DNER: variants seen among roughly 807,000 people sequenced by gnomAD.
The protein encoded by DNER is delta and Notch-like epidermal growth factor-related receptor.
DNER carries 33 observed loss-of-function variants against 78.2 expected under a neutral mutation model. The observed-to-expected ratio is 0.42, with a 90% CI of 0.32 to 0.56. The LOEUF is 0.56. DNER is among the 20% of genes least tolerant of loss of function. The pLI, the probability that DNER is intolerant of heterozygous loss-of-function variation, is 0.11. For synonymous variants in DNER, 417 were observed against 384.8 expected, an observed-to-expected ratio of 1.08 and a Z score of -0.98; for missense variants, 918 against 975.3, an observed-to-expected ratio of 0.94 and a Z score of 0.78.
chr2:229,709,084 T>C (rs1337977020), intron 1 of DNER, among the ~76,000 whole-genome samples: 1 of 152,234 alleles, frequency 6.6e-6, no homozygotes, highest in Non-Finnish European at 1.5e-5. Context: ...AAGCTGTGTC[T>C]GTTCATTGAA....
chr2:229,557,756 A>G (rs1696878946), intron 4 of DNER, among the ~76,000 whole-genome samples: 1 of 152,196 alleles, frequency 6.6e-6, no homozygotes, highest in Non-Finnish European at 1.5e-5. Context: ...AAGGAAATTA[A>G]TACAGAGAAA....
intron 1 of DNER, among the ~76,000 whole-genome samples, chr2:229,643,526 C>T (rs1029458442): frequency 1.6e-4 from 24 of 152,196 alleles, no homozygotes; most frequent in Admixed American, 7.2e-4. Context: ...AACAGGTCTG[C>T]CTGGTCTTCC....
chr2:229,611,830 C>T (rs573811420), intron 1 of DNER, among the ~76,000 whole-genome samples: 18 of 152,306 alleles, frequency 1.2e-4, no homozygotes, highest in African/African-American at 4.1e-4. Context: ...TCATAAATAA[C>T]CACCTTGAAA....
rs375156826 is a variant in DNER, at chr2:229,394,312, C to T, written c.1724-5916G>A. ...CTCTGTGGATCATAAGCCTTGGGTCCGAAGGGTAATGGTGTGGGTGTGGGG... is the reference window on the plus strand; with the variant it reads ...CTCTGTGGATCATAAGCCTTGGGTCTGAAGGGTAATGGTGTGGGTGTGGGG... On this transcript the variant is annotated intron_variant, in intron 10 of 12. Coordinates refer to ENST00000341772, the MANE Select transcript of DNER (RefSeq NM_139072.4). Among the ~76,000 whole-genome samples the T allele has an allele frequency of 2.9e-4, 44 of 151,890 alleles. 1 individual carries two copies. The highest frequency in any genetic ancestry group is 6.5e-4 in the African/African-American group (27 of 41,512).
chr2:229,534,003 A>T (rs564892161), intron 5 of DNER, among the ~76,000 whole-genome samples: 1 of 152,268 alleles, frequency 6.6e-6, no homozygotes, highest in Non-Finnish European at 1.5e-5. Flanking sequence ...CAGTGATCCA[A>T]TGTTTTCCAA....
intron 4 of DNER, among the ~76,000 whole-genome samples, chr2:229,563,336 C>A (rs1339617970): frequency 2.0e-5 from 3 of 151,152 alleles, no homozygotes; most frequent in Admixed American, 6.6e-5. Flanking sequence ...ACACCATGAC[C>A]ATCATCATCA....
chr2:229,393,248 C>T lies in DNER; in HGVS notation c.1724-4852G>A, dbSNP rs867299580. ...TTCGAGACTAGCCTGGGCAACATGG[C>T]GAAACCCCGTCTCTACTAAAAATAC... On this transcript the variant is annotated intron_variant, in intron 10 of 12. Transcript: ENST00000341772. Among the ~76,000 whole-genome samples the T allele has an allele frequency of 5.9e-5, 9 of 151,552 alleles. No homozygotes were observed. The South Asian group carries it at 6.2e-4, about 11-fold the overall frequency.
In DNER at chr2:229,516,724, G is replaced by C. The variant is rs148729137; in HGVS notation, c.994-3788C>G. On this transcript the variant is annotated intron_variant, in intron 5 of 12. Transcript: ENST00000341772. The stretch of plus-strand genomic sequence containing the variant: ...TGCATGACCCCAGGAATTCGAGGTT[G>C]CAGTGAGCTATGATCATGCCACTGC... Among the ~76,000 whole-genome samples, 1,185 of 150,418 alleles carry C rather than the reference G, an allele frequency of 7.9e-3. 12 individuals carry two copies. The highest frequency in any genetic ancestry group is 0.028 in the African/African-American group (1,127 of 40,918).
intron 8 of DNER, among the ~76,000 whole-genome samples, chr2:229,444,714 C>A (rs1451471654): frequency 6.6e-6 from 1 of 152,028 alleles, no homozygotes; most frequent in East Asian, 1.9e-4. Flanking sequence ...CATGGTGCAA[C>A]CCTGTCTCTA....
chr2:229,547,844 T>C (rs1696656068), intron 4 of DNER, among the ~76,000 whole-genome samples: 1 of 152,200 alleles, frequency 6.6e-6, no homozygotes, highest in Non-Finnish European at 1.5e-5. Context: ...TAGGTAGCAA[T>C]AAATATGGAA....
At chr2:229,374,404 C>A (rs949858304) in intron 11 of DNER, among the ~76,000 whole-genome samples, 2 of 152,116 alleles carry the variant, frequency 1.3e-5, no homozygotes, top group East Asian at 3.9e-4. Flanking sequence ...GTTGAATAAA[C>A]AAATAAATGA....
At chr2:229,385,275 AC>A (rs1692838763) in intron 11 of DNER, among the ~76,000 whole-genome samples, 1 of 152,112 alleles carries the variant, frequency 6.6e-6, no homozygotes, top group African/African-American at 2.4e-5. Context: ...AGTTTAACAC[AC>A]CTTCATGCTA....
intron 1 of DNER, among the ~76,000 whole-genome samples, chr2:229,652,830 CA>C (rs1337574476): frequency 2.0e-5 from 3 of 152,160 alleles, no homozygotes; most frequent in Non-Finnish European, 4.4e-5. Context: ...CCATTGGTTA[CA>C]AAGGCTATTG....
intron 1 of DNER, among the ~76,000 whole-genome samples, chr2:229,697,464 G>T (rs995240319): frequency 6.6e-6 from 1 of 152,122 alleles, no homozygotes; most frequent in African/African-American, 2.4e-5. Context: ...CCTTTAAAAT[G>T]GTTACTTTCA....
chr2:229,477,784 T>C (rs893943581), intron 6 of DNER, among the ~76,000 whole-genome samples: 14 of 152,222 alleles, frequency 9.2e-5, no homozygotes, highest in Admixed American at 9.2e-4. Flanking sequence ...ATAAAGAGAT[T>C]GAGGCAAACA....
intron 6 of DNER, among the ~76,000 whole-genome samples, chr2:229,509,815 C>CAAAAT (rs1409978794): frequency 6.6e-6 from 1 of 151,650 alleles, no homozygotes; most frequent in South Asian, 2.1e-4. Flanking sequence ...GACTCTGTCT[C>CAAAAT]AAAATAAAAT....
At chr2:229,670,270 A>G (rs947662609) in intron 1 of DNER, among the ~76,000 whole-genome samples, 5 of 151,976 alleles carry the variant, frequency 3.3e-5, no homozygotes, top group Non-Finnish European at 7.4e-5. Flanking sequence ...TATCAGGGAG[A>G]CCCCCTCACT....
At chr2:229,615,438 G>A (rs540594305) in intron 1 of DNER, among the ~76,000 whole-genome samples, 22 of 151,566 alleles carry the variant, frequency 1.5e-4, no homozygotes, top group Admixed American at 7.9e-4. Flanking sequence ...GGCCGGGCGC[G>A]GTGGTTCACG....
intron 5 of DNER, among the ~76,000 whole-genome samples, chr2:229,540,878 T>C (rs1330937036): frequency 6.6e-6 from 1 of 152,198 alleles, no homozygotes; most frequent in East Asian, 1.9e-4. Context: ...GGATGGTGGG[T>C]TCCTAAGGCA....
Sources: gnomAD v4.1 joint callset for allele counts (sites outside exome capture counted in the v4.1 genomes callset) on GRCh38, gnomAD v4.1.1 for gene constraint, MANE v1.5 for transcripts, NCBI Gene and HGNC (gene_info 2026-07-23, HGNC 2026-07-21) for gene names.